Variants in NBPF12 observed in about 807,000 individuals in gnomAD.
The protein encoded by NBPF12 is NBPF family member NBPF12.
A neutral mutation model predicts 146.4 loss-of-function variants in NBPF12; 115 were observed. The observed-to-expected ratio is 0.79, with a 90% CI of 0.68 to 0.92. The LOEUF (loss-of-function observed/expected upper bound fraction) is 0.92. NBPF12 is among the 40% of genes least tolerant of loss of function. The probability of loss-of-function intolerance (pLI) is 0.00; values close to 1 mark genes in which losing one functional copy is unlikely to be tolerated. For synonymous variants in NBPF12, 385 were observed against 508.9 expected (o/e 0.76, Z 3.28); for missense variants, 1,205 against 1,326.8 (o/e 0.91, Z 1.43).
intron 19 of NBPF12, among the ~76,000 whole-genome samples, chr1:146,980,517 C>A (rs1156435359): frequency 6.6e-6 from 1 of 151,644 alleles, no homozygotes; most frequent in Non-Finnish European, 1.5e-5. Context: ...CTGGTGGTGA[C>A]AAAATCTCTC....
upstream of NBPF12, among the ~76,000 whole-genome samples, chr1:146,948,669 T>C (rs1570816597): frequency 6.6e-6 from 1 of 152,022 alleles, no homozygotes; most frequent in African/African-American, 2.4e-5. Flanking sequence ...CCCCATGTGA[T>C]AGTCTGAAAT....
At chr1:146,971,374 A>G (rs1656600583) in exon 13 of NBPF12, 1 of 1,611,258 alleles carries the variant, frequency 6.2e-7, no homozygotes, top group South Asian at 1.1e-5. Flanking sequence ...GAATGTCAGG[A>G]TGCTCTAAAC....
At chr1:146,961,561 A>T (rs1655851413) in intron 4 of NBPF12, among the ~76,000 whole-genome samples, 1 of 152,100 alleles carries the variant, frequency 6.6e-6, no homozygotes, top group African/African-American at 2.4e-5. Context: ...AACACAACTA[A>T]TCTAAATCTT....
At chr1:146,966,376 G>A in intron 8 of NBPF12, 88 bp from the exon 12 acceptor site, 9 of 1,123,672 alleles carry the variant, frequency 8.0e-6, no homozygotes, top group Non-Finnish European at 9.5e-6. Flanking sequence ...AGTACACAAG[G>A]CTGCCAGTGA....
At chr1:146,966,225 A>G (rs1289432984) in intron 8 of NBPF12, among the ~76,000 whole-genome samples, 2 of 152,044 alleles carry the variant, frequency 1.3e-5, no homozygotes, top group African/African-American at 4.8e-5. Flanking sequence ...GCCTTGCTTT[A>G]TAGAAACGTA....
At chr1:146,965,642 AT>A (rs1391730310) in intron 8 of NBPF12, among the ~76,000 whole-genome samples, 1 of 140,548 alleles carries the variant, frequency 7.1e-6, no homozygotes, top group Non-Finnish European at 1.5e-5. Flanking sequence ...AAAAAAAAAA[AT>A]TAGCTGGGCG....
chr1:146,971,189 G>T (rs1250883409), exon 13 of NBPF12: 1 of 1,611,200 alleles, frequency 6.2e-7, no homozygotes. Context: ...TCAGGGAGAT[G>T]CAGAAGGCTG....
upstream of NBPF12, among the ~76,000 whole-genome samples, chr1:146,946,868 C>G: frequency 6.6e-6 from 1 of 151,946 alleles, no homozygotes; most frequent in African/African-American, 2.4e-5. Flanking sequence ...AACATGCATA[C>G]CTGGATTTAT....
upstream of NBPF12, among the ~76,000 whole-genome samples, chr1:146,938,369 C>T (rs1654626719): frequency 6.6e-6 from 1 of 152,090 alleles, no homozygotes; most frequent in Non-Finnish European, 1.5e-5. Flanking sequence ...GCCTGCAGTC[C>T]TAAAGGCGGG....
At chr1:146,979,958 T>C (rs1286231718) in intron 19 of NBPF12, among the ~76,000 whole-genome samples, 5 of 110,650 alleles carry the variant, frequency 4.5e-5, no homozygotes, top group East Asian at 2.6e-4. Context: ...TAAATCTCTT[T>C]GTAGGTCTCT....
At chr1:146,981,310 T>TAC (rs1657371937) in intron 19 of NBPF12, among the ~76,000 whole-genome samples, 1 of 140,340 alleles carries the variant, frequency 7.1e-6, no homozygotes, top group African/African-American at 2.6e-5. Flanking sequence ...TATATATATA[T>TAC]ATATACATAC....
At chr1:146,956,663 G>A (rs1282865986) in intron 2 of NBPF12, among the ~76,000 whole-genome samples, 3 of 151,144 alleles carry the variant, frequency 2.0e-5, no homozygotes, top group African/African-American at 7.3e-5. Context: ...AAAAGCAATT[G>A]GTGAGAAAAA....
intron 11 of NBPF12, among the ~76,000 whole-genome samples, 198 bp downstream of exon 14, chr1:146,969,794 C>T (rs1357859677): frequency 6.6e-6 from 1 of 151,202 alleles, no homozygotes; most frequent in Non-Finnish European, 1.5e-5. Context: ...TTGCAAGTGT[C>T]CCTCCTTCCT....
At chr1:146,976,298 C>A (rs1657011057) in intron 16 of NBPF12, among the ~76,000 whole-genome samples, 1 of 149,752 alleles carries the variant, frequency 6.7e-6, no homozygotes, top group South Asian at 2.1e-4. Context: ...TTCTCTCTCT[C>A]CATGGCAGAC....
intron 1 of NBPF12, among the ~76,000 whole-genome samples, chr1:146,949,837 CCTGT>C (rs1655246671): frequency 6.6e-6 from 1 of 151,930 alleles, no homozygotes; most frequent in South Asian, 2.1e-4. Context: ...TTCCTCCTTA[CCTGT>C]CTGTTTCATC....
At chr1:146,946,705 AT>A (rs1451132896), upstream of NBPF12, among the ~76,000 whole-genome samples, 1 of 148,142 alleles carries the variant, frequency 6.8e-6, no homozygotes, top group African/African-American at 2.5e-5. Context: ...GCTCAACTTA[AT>A]TTTTTTTCAT....
chr1:146,947,005 G>T (rs1426965375), upstream of NBPF12, among the ~76,000 whole-genome samples: 1 of 151,908 alleles, frequency 6.6e-6, no homozygotes, highest in Admixed American at 6.6e-5. Context: ...CTGCTTCTGG[G>T]CTCCGTATTC....
At chr1:146,987,489 G>C (rs1408249835) in intron 25 of NBPF12, among the ~76,000 whole-genome samples, 1 of 152,046 alleles carries the variant, frequency 6.6e-6, no homozygotes, top group Non-Finnish European at 1.5e-5. Context: ...ACCTACTGCA[G>C]GTGGACCAGA....
chr1:146,978,219 C>T (rs1657169906), intron 18 of NBPF12, among the ~76,000 whole-genome samples: 1 of 146,892 alleles, frequency 6.8e-6, no homozygotes, highest in African/African-American at 2.5e-5. Flanking sequence ...TCCACCCTGT[C>T]AATGCAATGG....
Sources: allele counts gnomAD v4.1 joint callset (sites outside exome capture counted in the v4.1 genomes callset), GRCh38; gene constraint gnomAD v4.1.1; transcripts MANE v1.5; gene names NCBI Gene and HGNC (gene_info 2026-07-23, HGNC 2026-07-21).